TRIOBP: variants seen among roughly 807,000 people sequenced by gnomAD.
TRIOBP encodes TRIO and F-actin binding protein.
A neutral mutation model predicts 238.8 loss-of-function variants in TRIOBP; 169 were observed. That is an observed-to-expected ratio of 0.71 (90% CI 0.62 to 0.80). TRIOBP has a LOEUF of 0.80. TRIOBP is among the 30% of genes least tolerant of loss of function. The pLI is 0.00. For synonymous variants in TRIOBP, 1,150 were observed against 1,274.4 expected (o/e 0.90, Z 2.08); for missense variants, 2,838 against 3,122.6 (o/e 0.91, Z 2.17).
rs1922491029 is a variant in TRIOBP, at chr22:37,698,793, G to A, written c.-61+1097G>A. On this transcript the variant is annotated intron_variant, in intron 2 of 23. Coordinates refer to ENST00000644935, the MANE Select transcript of TRIOBP (RefSeq NM_001039141.3). ...GGAGTTTGAGGTTGCAAGGAGCTAT[G>A]ATCGAGCCACTGCACTCCAGCCTGG... Among the ~76,000 whole-genome samples the A allele has an allele frequency of 6.0e-5, 7 of 117,596 alleles. No individual in the cohort carries two copies. In the South Asian group the frequency reaches 2.3e-3, roughly 38 times the overall value. The allele number at this position is 117,596 out of a possible 152,430, so 77.1% of individuals were successfully genotyped here.
At chr22:37,757,143 C>T (rs780849235) in intron 15 of TRIOBP, among the ~76,000 whole-genome samples, 1 of 152,094 alleles carries the variant, frequency 6.6e-6, no homozygotes, top group South Asian at 2.1e-4. Context: ...GGGAGGAGCA[C>T]GTGAGCCCAG....
chr22:37,760,802 C>T (rs1008464770), intron 17 of TRIOBP, among the ~76,000 whole-genome samples: 1 of 151,874 alleles, frequency 6.6e-6, no homozygotes, highest in African/African-American at 2.4e-5. Flanking sequence ...GGTGAAACTC[C>T]GTCTCTAATA....
At chr22:37,711,718 T>C (rs953845400) in intron 4 of TRIOBP, among the ~76,000 whole-genome samples, 17 of 152,100 alleles carry the variant, frequency 1.1e-4, no homozygotes, top group Non-Finnish European at 1.9e-4. Context: ...CTGCAGGACT[T>C]GTCAGAGCCT....
chr22:37,740,642 G>A (rs1423327330), intron 10 of TRIOBP, among the ~76,000 whole-genome samples: 5 of 152,238 alleles, frequency 3.3e-5, no homozygotes, highest in African/African-American at 9.7e-5. Flanking sequence ...TCCAGCTGGC[G>A]CCCGTGGTTT....
chr22:37,739,052 G>C (rs1924814830), intron 10 of TRIOBP, among the ~76,000 whole-genome samples: 1 of 152,184 alleles, frequency 6.6e-6, no homozygotes, highest in African/African-American at 2.4e-5. Flanking sequence ...CGGTTTGAAA[G>C]GGCCAGGCCA....
intron 7 of TRIOBP, among the ~76,000 whole-genome samples, chr22:37,727,155 C>T (rs1158072169): frequency 2.0e-5 from 3 of 151,436 alleles, no homozygotes; most frequent in South Asian, 2.1e-4. Context: ...GTGATCCACC[C>T]GCCTCGGCCT....
intron 17 of TRIOBP, among the ~76,000 whole-genome samples, chr22:37,764,284 C>A (rs1477229995): frequency 1.3e-5 from 2 of 152,198 alleles, no homozygotes; most frequent in African/African-American, 4.8e-5. Flanking sequence ...TCCTCCCTAC[C>A]TTTTCTGTGT....
chr22:37,747,303 G>A (rs369514528), intron 11 of TRIOBP, among the ~76,000 whole-genome samples: 1 of 152,210 alleles, frequency 6.6e-6, no homozygotes, highest in African/African-American at 2.4e-5. Context: ...GTTCGGGAAG[G>A]GAGGGGTGGG....
intron 17 of TRIOBP, 64 bp downstream of exon 17, chr22:37,759,328 A>G (rs888447679): frequency 4.6e-6 from 7 of 1,527,440 alleles, no homozygotes; most frequent in Non-Finnish European, 6.4e-6. Context: ...GTTATCAGGA[A>G]ACAGCTGAGA....
Position 37,765,707 on chromosome 22 carries a change from C to G in TRIOBP, c.6362C>G (p.Ser2121Trp). 6.4e-7 allele frequency: 1 copy of G among 1,555,128 alleles called. No homozygotes were observed. The highest frequency in any genetic ancestry group is 8.7e-7 in the Non-Finnish European group (1 of 1,150,146). The change falls in exon 18 of 24, where the codon TCG becomes TGG. Residue 2121 changes from serine to tryptophan, a missense_variant. Transcript: ENST00000644935. ...CGCAGCCTGGCAGAGATGGAGTCCT[C>G]GCACCAGCAGGTGATGGAGGAGCTG... The part of the protein sequence containing the change: ...CERSLAEMES[S>W]HQQVMEELQR...
Position 37,715,406 on chromosome 22 carries a change from G to A in TRIOBP, c.457-357G>A, listed in dbSNP as rs536518866. On this transcript the variant is annotated intron_variant, in intron 5 of 23. Coordinates refer to ENST00000644935, the MANE Select transcript of TRIOBP (RefSeq NM_001039141.3). ...CACCCAGGCTGGAGCTCAGTGGCGC[G>A]ATCTCCACTCAATGCAAGCTCCACC... Among the ~76,000 whole-genome samples, 6 of 151,722 alleles carry A rather than the reference G, an allele frequency of 4.0e-5. No homozygotes were observed. In the South Asian group the frequency reaches 6.2e-4, roughly 16 times the overall value.
chr22:37,705,591 T>G (rs1922902131), intron 3 of TRIOBP, among the ~76,000 whole-genome samples: 1 of 151,940 alleles, frequency 6.6e-6, no homozygotes, highest in Non-Finnish European at 1.5e-5. Context: ...TTTGTTTTTT[T>G]TTGAGATGGA....
intron 12 of TRIOBP, 113 bp from the exon 13 acceptor site, chr22:37,754,764 T>C (rs1230220646): frequency 2.5e-5 from 25 of 1,019,600 alleles, no homozygotes; most frequent in Middle Eastern, 2.8e-4. Context: ...AGGTCTCAAA[T>C]TGGCATTTTC....
At position 37,723,571 on chromosome 22, in the gene TRIOBP, A is replaced by G. The variant is rs1923945365; in HGVS notation, c.1015A>G (p.Thr339Ala). ...TPRASSTQWN[T>A]PRASSPSRST... Reference sequence around the variant, plus strand: ...CAGGGCCTCATCTACACAGTGGAACACCCCCAGAGCTTCCTCTCCCTCACG... The same window carrying G: ...CAGGGCCTCATCTACACAGTGGAACGCCCCCAGAGCTTCCTCTCCCTCACG... The change falls in exon 7 of 24, where the codon ACC becomes GCC. Residue 339 changes from threonine (T) to alanine (A), a missense_variant. By Grantham distance (58) the Thr-to-Ala change is moderately conservative. Transcript: ENST00000644935. The G allele has an allele frequency of 5.0e-6, 8 of 1,613,784 alleles. No individual in the cohort carries two copies. The highest frequency in any genetic ancestry group is 1.3e-5 in the African/African-American group (1 of 74,790).
At position 37,751,285 on chromosome 22, in the gene TRIOBP, C is replaced by T. The variant is rs1298864963; in HGVS notation, c.5323-487C>T. ...TGACCCCAGCCTGTGACTGGCTCCACCTCCCATAGTCTCCTGGAGCCGAGG... is the reference window on the plus strand; with the variant it reads ...TGACCCCAGCCTGTGACTGGCTCCATCTCCCATAGTCTCCTGGAGCCGAGG... On this transcript the variant is annotated intron_variant, in intron 11 of 23. Transcript: ENST00000644935. 1.2e-5 allele frequency: 4 copies of T among 346,110 alleles called. 1 individual carries two copies. The highest frequency in any genetic ancestry group is 8.6e-5 in the African/African-American group (4 of 46,346). 21.4% of individuals were successfully genotyped at this position (346,110 alleles called of 1,614,324 possible). A position where few individuals can be genotyped will look rare whatever the true frequency, so the allele number is the denominator to read the frequency against.
At chr22:37,712,198 A>G (rs1923283863) in intron 4 of TRIOBP, among the ~76,000 whole-genome samples, 1 of 151,774 alleles carries the variant, frequency 6.6e-6, no homozygotes, top group Non-Finnish European at 1.5e-5. Flanking sequence ...TATTATTATT[A>G]TTATTTTGAG....
rs142860990 is a variant in TRIOBP at position 37,771,655 on chromosome 22, G to T, written c.6855G>T (p.Leu2285=). ...NERSSCELEV[L]LRVKENELQY... The stretch of plus-strand genomic sequence containing the variant: ...TCCAGCACCTATATCCCCAGGTGCT[G>T]CTTCGCGTAAAAGAAAACGAACTCC... The change falls in exon 22 of 24, where the codon CTG becomes CTT. Residue 2285 remains leucine, a synonymous_variant. Transcript: ENST00000644935. 5.6e-6 allele frequency: 9 copies of T among 1,614,032 alleles called. No homozygotes were observed. In the African/African-American group the frequency reaches 9.3e-5, roughly 17 times the overall value.
At chr22:37,739,233 C>T (rs377617487) in intron 10 of TRIOBP, among the ~76,000 whole-genome samples, 3 of 152,118 alleles carry the variant, frequency 2.0e-5, no homozygotes, top group Admixed American at 6.5e-5. Flanking sequence ...CAACTCTGCC[C>T]GCCCCTCCCC....
At position 37,772,682 on chromosome 22, in the gene TRIOBP, G is replaced by A. The variant is rs756028018; in HGVS notation, c.7018G>A (p.Glu2340Lys). 19 of 1,613,984 alleles carry A rather than the reference G, an allele frequency of 1.2e-5. No homozygotes were observed. In the Middle Eastern group the frequency reaches 6.6e-4, roughly 56 times the overall value. ...HIKTRSEREI[E>K]QLKEHLRLAM... ...CAAGACACGGTCTGAGCGGGAGATCGAGCAGCTGAAGGAGCACCTGCGTCT... is the reference window on the plus strand; with the variant it reads ...CAAGACACGGTCTGAGCGGGAGATCAAGCAGCTGAAGGAGCACCTGCGTCT... Residue 2340 changes from glutamate (E) to lysine (K), a missense_variant, in exon 23 of 24, where the codon GAG becomes AAG. Glu to Lys is a moderately conservative substitution (Grantham distance 56). Coordinates refer to ENST00000644935, the MANE Select transcript of TRIOBP (RefSeq NM_001039141.3).
Sources: gnomAD v4.1 joint callset for allele counts (sites outside exome capture counted in the v4.1 genomes callset) on GRCh38, gnomAD v4.1.1 for gene constraint, MANE v1.5 for transcripts, NCBI Gene and HGNC (gene_info 2026-07-23, HGNC 2026-07-21) for gene names.